The following ADCY2 variants were observed in gnomAD, a reference collection of about 807,000 sequenced individuals.
The protein encoded by ADCY2 is adenylate cyclase 2.
ADCY2 carries 31 observed loss-of-function variants against 125.2 expected under a neutral mutation model. The ratio of observed to expected loss-of-function variants is 0.25; its 90% CI spans 0.19 to 0.33. The LOEUF (loss-of-function observed/expected upper bound fraction) is 0.33. Ranked by LOEUF, ADCY2 falls within the 10% of genes least tolerant of loss-of-function variation. ADCY2 has a pLI of 1.00. For synonymous variants in ADCY2, 512 were observed against 548.4 expected (o/e 0.93, Z 0.93); for missense variants, 904 against 1,418.2 (o/e 0.64, Z 5.82).
intron 4 of ADCY2, among the ~76,000 whole-genome samples, chr5:7,627,602 A>G (rs1047107817): frequency 2.0e-5 from 3 of 152,208 alleles, no homozygotes; most frequent in Admixed American, 6.5e-5. Context: ...TTGGCATATC[A>G]TGGATCCTTA....
chr5:7,823,244 A>G (rs1745359291), intron 24 of ADCY2, among the ~76,000 whole-genome samples: 1 of 152,232 alleles, frequency 6.6e-6, no homozygotes, highest in Non-Finnish European at 1.5e-5. Context: ...GAGATAAAAG[A>G]AAACTAATGG....
rs781370542 is a variant in ADCY2, at chr5:7,706,920, A to C, written c.1268+18A>C. 105 of 1,613,134 alleles carry C rather than the reference A, an allele frequency of 6.5e-5. No individual in the cohort carries two copies. The highest frequency in any genetic ancestry group is 8.1e-5 in the Non-Finnish European group (96 of 1,179,586). On this transcript the variant is annotated intron_variant, in intron 8 of 24. Coordinates refer to ENST00000338316, the MANE Select transcript of ADCY2 (RefSeq NM_020546.3). ...GTCCCTGGGTAAGGCCAAGCATTGG[A>C]TTTCTTTCTTCAAGCAGGCAGAACT...
chr5:7,425,642 A>AT (rs1038782168), intron 2 of ADCY2, among the ~76,000 whole-genome samples: 1 of 152,180 alleles, frequency 6.6e-6, no homozygotes, highest in Non-Finnish European at 1.5e-5. Context: ...TTTCAAATAT[A>AT]TTTTTTCTTA....
chr5:7,563,025 A>G (rs1160892743), intron 3 of ADCY2, among the ~76,000 whole-genome samples: 2 of 152,122 alleles, frequency 1.3e-5, no homozygotes, highest in Admixed American at 6.6e-5. Context: ...TTTTAAATGC[A>G]TTATATTGGT....
intron 2 of ADCY2, among the ~76,000 whole-genome samples, chr5:7,460,570 T>C (rs898661317): frequency 6.6e-6 from 1 of 152,212 alleles, no homozygotes; most frequent in Non-Finnish European, 1.5e-5. Flanking sequence ...GAGCATGGTA[T>C]TAATTCAGTA....
intron 2 of ADCY2, among the ~76,000 whole-genome samples, chr5:7,421,432 C>G (rs1228580032): frequency 6.6e-6 from 1 of 152,200 alleles, no homozygotes. Flanking sequence ...CCATCTCTGC[C>G]TCCGTCTTCA....
chr5:7,584,236 A>G (rs573474956), intron 3 of ADCY2, among the ~76,000 whole-genome samples: 45 of 152,258 alleles, frequency 3.0e-4, no homozygotes, highest in South Asian at 8.3e-4. Flanking sequence ...ACAATCCCAA[A>G]AACAATGATA....
intron 15 of ADCY2, among the ~76,000 whole-genome samples, chr5:7,754,819 T>G (rs962713805): frequency 1.3e-5 from 2 of 151,640 alleles, no homozygotes; most frequent in Non-Finnish European, 2.9e-5. Flanking sequence ...ATCGTGCCAT[T>G]GAACTCCAGC....
At chr5:7,405,580 A>G (rs940488718) in intron 1 of ADCY2, among the ~76,000 whole-genome samples, 1 of 152,184 alleles carries the variant, frequency 6.6e-6, no homozygotes, top group Non-Finnish European at 1.5e-5. Context: ...GGAGCTTGCA[A>G]AGAGCAAGAG....
chr5:7,739,030 G>A (rs376459573), intron 14 of ADCY2, among the ~76,000 whole-genome samples: 1 of 151,660 alleles, frequency 6.6e-6, no homozygotes, highest in South Asian at 2.1e-4. Flanking sequence ...TATATAGGAG[G>A]TCTGAGCAAC....
intron 2 of ADCY2, among the ~76,000 whole-genome samples, chr5:7,449,089 C>G (rs942491099): frequency 2.8e-4 from 42 of 152,294 alleles, no homozygotes; most frequent in South Asian, 2.3e-3. Context: ...ATTGACATTT[C>G]CACAACAGTG....
chr5:7,396,184 G>C lies in ADCY2; in HGVS notation c.-113G>C, dbSNP rs1290238410. The C allele has an allele frequency of 3.3e-5, 15 of 459,768 alleles. No individual in the cohort carries two copies. The highest frequency in any genetic ancestry group is 3.9e-5 in the Non-Finnish European group (14 of 354,676). The allele number at this position is 459,768 out of a possible 1,614,324, so 28.5% of individuals were successfully genotyped here. On this transcript the variant is annotated 5_prime_UTR_variant, in exon 1 of 25. Coordinates refer to ENST00000338316, the MANE Select transcript of ADCY2 (RefSeq NM_020546.3). The surrounding 1 kb of genome is among the most constrained non-coding windows in gnomAD (Gnocchi z 5.7). The stretch of plus-strand genomic sequence containing the variant: ...GCCGGAGGCCCCTGCGCGCAGCTCC[G>C]GGTGCCGGCAGCCGGGCCGGCCGAG...
chr5:7,516,538 C>CTCCATGTT (rs1321019049), intron 2 of ADCY2, among the ~76,000 whole-genome samples: 3 of 152,208 alleles, frequency 2.0e-5, no homozygotes, highest in Non-Finnish European at 4.4e-5. Flanking sequence ...GAAGCCTCAA[C>CTCCATGTT]TCCATGTTTC....
intron 4 of ADCY2, among the ~76,000 whole-genome samples, chr5:7,661,421 C>T (rs1300843036): frequency 6.6e-6 from 1 of 152,064 alleles, no homozygotes; most frequent in Admixed American, 6.6e-5. Flanking sequence ...AAACAGAAAA[C>T]AGTGAACAAA....
intron 14 of ADCY2, among the ~76,000 whole-genome samples, chr5:7,734,326 AC>A (rs1421076066): frequency 1.3e-5 from 2 of 152,148 alleles, no homozygotes; most frequent in African/African-American, 4.8e-5. Context: ...TCTCCACTGG[AC>A]TTATCTCATC....
intron 4 of ADCY2, among the ~76,000 whole-genome samples, chr5:7,687,037 G>A (rs917008442): frequency 6.6e-6 from 1 of 152,088 alleles, no homozygotes; most frequent in Non-Finnish European, 1.5e-5. Context: ...ATGGGGGAAG[G>A]CTTGAGTTCT....
intron 3 of ADCY2, among the ~76,000 whole-genome samples, chr5:7,582,325 A>G (rs909110414): frequency 3.3e-5 from 5 of 152,208 alleles, no homozygotes; most frequent in Non-Finnish European, 1.5e-5. Flanking sequence ...AAATCCTCTT[A>G]AGATGAACCA....
rs576527646 is a variant in ADCY2, at chr5:7,739,629, T to C, written c.1872-4039T>C. ...AATTAATAAAGCCAAAATATGGCTC[T>C]TTGAAAAAGACTGAAAATTCCTAAA... On this transcript the variant is annotated intron_variant, in intron 14 of 24. Coordinates refer to ENST00000338316, the MANE Select transcript of ADCY2 (RefSeq NM_020546.3). Among the ~76,000 whole-genome samples the C allele has an allele frequency of 4.0e-5, 6 of 150,504 alleles. No individual in the cohort carries two copies. In the South Asian group the frequency reaches 1.2e-3, roughly 31 times the overall value.
At chr5:7,426,083 T>G (rs1456080671) in intron 2 of ADCY2, among the ~76,000 whole-genome samples, 1 of 152,112 alleles carries the variant, frequency 6.6e-6, no homozygotes, top group East Asian at 1.9e-4. Flanking sequence ...AGAGATGAGG[T>G]GGAGAGGCCC....
Sources: gnomAD v4.1 joint callset for allele counts (sites outside exome capture counted in the v4.1 genomes callset) on GRCh38, gnomAD v4.1.1 for gene constraint, Gnocchi (gnomAD v3.1) non-coding constraint, MANE v1.5 for transcripts, NCBI Gene and HGNC (gene_info 2026-07-23, HGNC 2026-07-21) for gene names.